Variants in SLC8A3 observed in about 807,000 individuals in gnomAD.
The protein encoded by SLC8A3 is sodium/calcium exchanger 3.
In SLC8A3, 37 loss-of-function variants were observed where a neutral mutation model predicts 65.4. The observed-to-expected ratio is 0.57, with a 90% CI of 0.44 to 0.74. SLC8A3 has a LOEUF of 0.74. Ranked by LOEUF, SLC8A3 falls within the 30% of genes least tolerant of loss-of-function variation. The probability of loss-of-function intolerance (pLI) is 0.00; values close to 1 mark genes in which losing one functional copy is unlikely to be tolerated. For missense variants in SLC8A3, 1,112 were observed against 1,172.1 expected (o/e 0.95, Z 0.75); for synonymous variants, 461 against 444.5 (o/e 1.04, Z -0.47).
intron 2 of SLC8A3, among the ~76,000 whole-genome samples, chr14:70,099,446 C>G (rs1345254653): frequency 6.6e-6 from 1 of 152,176 alleles, no homozygotes; most frequent in Non-Finnish European, 1.5e-5. Context: ...AATCGCAGCT[C>G]CTTCATGGAC....
intron 2 of SLC8A3, 126 bp from the exon 3 acceptor site, chr14:70,061,065 C>T (rs1888748738): frequency 3.5e-6 from 2 of 572,670 alleles, no homozygotes; most frequent in South Asian, 5.2e-5. Flanking sequence ...ACCATGGTGG[C>T]TTTCAACAGG....
chr14:70,086,401 C>CTTTTTTTTTTTTT (rs10605312), intron 2 of SLC8A3, among the ~76,000 whole-genome samples: 19 of 116,140 alleles, frequency 1.6e-4, no homozygotes, highest in Non-Finnish European at 2.3e-4. Flanking sequence ...TTTCTTTTTT[C>CTTTTTTTTTTTTT]TTTTTTTTTT....
rs543562986 is a variant in SLC8A3, at chr14:70,095,129, C to A, written c.1785-34190G>T. Among the ~76,000 whole-genome samples, 3 of 152,336 alleles carry A rather than the reference C, an allele frequency of 2.0e-5. No individual in the cohort carries two copies. In the East Asian group the frequency reaches 5.8e-4, roughly 29 times the overall value. On this transcript the variant is annotated intron_variant, in intron 2 of 6. Transcript: ENST00000356921. The stretch of plus-strand genomic sequence containing the variant: ...GGCTTGTCACGTGGTAGAAAGAACA[C>A]AGGTTTTGGAGATGAGTATTCAAAT...
chr14:70,166,728 G>A lies in SLC8A3; in HGVS notation c.1695C>T (p.Pro565=), dbSNP rs1897181999. 2.5e-6 allele frequency: 4 copies of A among 1,613,896 alleles called. No individual in the cohort carries two copies. The highest frequency in any genetic ancestry group is 1.7e-5 in the Admixed American group (1 of 59,992). The part of the protein sequence containing the change: ...TSGARGTVIV[P]FRTVEGTAKG... Reference sequence around the variant, plus strand: ...TGGCTGTCCCTTCTACTGTCCTAAAGGGGACGATGACTGTACCCCGGGCAC... The same window carrying A: ...TGGCTGTCCCTTCTACTGTCCTAAAAGGGACGATGACTGTACCCCGGGCAC... Residue 565 remains proline, a synonymous_variant, in exon 2 of 7, where the codon CCC becomes CCT. Transcript: ENST00000356921.
intron 2 of SLC8A3, among the ~76,000 whole-genome samples, chr14:70,110,931 C>T (rs1893257818): frequency 6.6e-6 from 1 of 152,214 alleles, no homozygotes; most frequent in South Asian, 2.1e-4. Context: ...CTGCCTGCCT[C>T]GGCCTCCCAA....
At chr14:70,077,797 G>T (rs1042461040) in intron 2 of SLC8A3, among the ~76,000 whole-genome samples, 1 of 152,224 alleles carries the variant, frequency 6.6e-6, no homozygotes, top group Non-Finnish European at 1.5e-5. Flanking sequence ...ATTCTCCTGA[G>T]TGCTGTTCCT....
intron 2 of SLC8A3, among the ~76,000 whole-genome samples, chr14:70,124,226 A>T (rs977331573): frequency 9.2e-5 from 14 of 152,214 alleles, no homozygotes; most frequent in African/African-American, 3.1e-4. Flanking sequence ...ACTTCAGAAC[A>T]GGTTTCTCCC....
At chr14:70,063,974 G>T in intron 2 of SLC8A3, 1 of 1,074,658 alleles carries the variant, frequency 9.3e-7, no homozygotes, top group Non-Finnish European at 1.4e-6. Context: ...GTAGAGTGTA[G>T]GACAAGTCAG....
rs962908168 is a variant in SLC8A3 at position 70,066,199 on chromosome 14, TG to T, written c.1785-5261del. On this transcript the variant is annotated intron_variant, in intron 2 of 6. Transcript: ENST00000356921. ...AGATCATTCCCAGGGAGGGCATCAC[TG>T]TTGGGACTTATGGTATTACCTTGCC... Among the ~76,000 whole-genome samples the T allele has an allele frequency of 2.6e-5, 4 of 152,348 alleles. No individual in the cohort carries two copies. In the East Asian group the frequency reaches 7.7e-4, roughly 29 times the overall value.
chr14:70,136,522 G>C (rs1895213024), intron 2 of SLC8A3, among the ~76,000 whole-genome samples: 1 of 152,126 alleles, frequency 6.6e-6, no homozygotes, highest in South Asian at 2.1e-4. Context: ...AACATAATGA[G>C]CCCACTCGCC....
rs774656787 is a variant in SLC8A3, at chr14:70,167,268, C to G, written c.1155G>C (p.Glu385Asp). The G allele has an allele frequency of 6.2e-7, 1 of 1,614,194 alleles. No individual in the cohort carries two copies. The change falls in exon 2 of 7, where the codon GAG (glutamate) becomes GAC (aspartate). Residue 385 changes from glutamate to aspartate, a missense_variant. Physicochemically the swap from Glu to Asp is conservative, Grantham distance 45 (BLOSUM62 2). Transcript: ENST00000356921. ...EQAKKASSMS[E>D]VHTDEPEDFI... ...AGTCCTCAGGCTCATCGGTGTGCAC[C>G]TCGCTCATGCTGGAGGCCTTCTTGG...
intron 1 of SLC8A3, among the ~76,000 whole-genome samples, chr14:70,175,650 G>C (rs778346082): frequency 5.9e-5 from 9 of 152,000 alleles, no homozygotes; most frequent in Non-Finnish European, 1.2e-4. Context: ...CACTGTACTG[G>C]GCTTATCTGT....
At chr14:70,059,347 G>T (rs1888506622) in intron 3 of SLC8A3, 1 of 152,202 alleles carries the variant, frequency 6.6e-6, no homozygotes, top group Admixed American at 6.5e-5. Flanking sequence ...TTTGTCACAT[G>T]AATATGAACT....
intron 2 of SLC8A3, among the ~76,000 whole-genome samples, chr14:70,114,591 C>T (rs1038279294): frequency 2.0e-5 from 3 of 152,208 alleles, no homozygotes; most frequent in Admixed American, 6.5e-5. Flanking sequence ...CTCTAACCAT[C>T]TCTCCTCCCT....
At chr14:70,064,747 C>T (rs1406841031) in intron 2 of SLC8A3, among the ~76,000 whole-genome samples, 1 of 152,146 alleles carries the variant, frequency 6.6e-6, no homozygotes, top group African/African-American at 2.4e-5. Context: ...TTGTGGCTAG[C>T]ACAATTATAT....
intron 2 of SLC8A3, among the ~76,000 whole-genome samples, chr14:70,061,451 A>G (rs1408795870): frequency 6.6e-6 from 1 of 151,998 alleles, no homozygotes; most frequent in Non-Finnish European, 1.5e-5. Context: ...TTATGTCTAT[A>G]CTCACTTCCA....
chr14:70,110,562 T>A (rs574126040), intron 2 of SLC8A3, among the ~76,000 whole-genome samples: 2 of 152,314 alleles, frequency 1.3e-5, no homozygotes, highest in Admixed American at 6.5e-5. Flanking sequence ...ATTGTATATA[T>A]GTACCACATT....
At chr14:70,081,211 A>G (rs915642169) in intron 2 of SLC8A3, among the ~76,000 whole-genome samples, 1 of 152,188 alleles carries the variant, frequency 6.6e-6, no homozygotes, top group Non-Finnish European at 1.5e-5. Flanking sequence ...CAGCACTTCT[A>G]TAAGGGTAGT....
intron 2 of SLC8A3, among the ~76,000 whole-genome samples, chr14:70,136,859 C>A (rs1195259477): frequency 6.6e-6 from 1 of 152,214 alleles, no homozygotes; most frequent in Non-Finnish European, 1.5e-5. Context: ...AGTTGGTTGA[C>A]CAAACATCCT....
Sources: gnomAD v4.1 joint callset for allele counts (sites outside exome capture counted in the v4.1 genomes callset) on GRCh38, gnomAD v4.1.1 for gene constraint, MANE v1.5 for transcripts, NCBI Gene and HGNC (gene_info 2026-07-23, HGNC 2026-07-21) for gene names.